Variants in LNPK observed in about 807,000 individuals in gnomAD.
LNPK encodes lunapark, ER junction formation factor.
In LNPK, 29 loss-of-function variants were observed where a neutral mutation model predicts 55.2. The observed-to-expected ratio is 0.53, with a 90% CI of 0.39 to 0.72. The LOEUF (loss-of-function observed/expected upper bound fraction) is 0.72, where lower values mean the gene tolerates loss of function less well. Ranked by LOEUF, LNPK falls within the 30% of genes least tolerant of loss-of-function variation. The pLI is 0.00. For synonymous variants in LNPK, 162 were observed against 168.2 expected (o/e 0.96, Z 0.29); for missense variants, 467 against 494.8 (o/e 0.94, Z 0.53).
At chr2:175,966,669 G>C (rs1239516155) in intron 6 of LNPK, among the ~76,000 whole-genome samples, 1 of 152,012 alleles carries the variant, frequency 6.6e-6, no homozygotes, top group Non-Finnish European at 1.5e-5. Flanking sequence ...TCATATAATA[G>C]CTTAATTAAC....
chr2:175,995,711 C>T, intron 1 of LNPK, 65 bp from the exon 2 acceptor site: 1 of 585,350 alleles, frequency 1.7e-6, no homozygotes, highest in East Asian at 3.3e-5. Flanking sequence ...ATAGATGTTG[C>T]AATACTGCCT....
intron 5 of LNPK, among the ~76,000 whole-genome samples, chr2:175,975,941 A>G (rs1225639162): frequency 6.6e-6 from 1 of 152,250 alleles, no homozygotes; most frequent in Non-Finnish European, 1.5e-5. Flanking sequence ...TTAATCCAGT[A>G]GATGGATGTT....
intron 6 of LNPK, among the ~76,000 whole-genome samples, chr2:175,966,387 A>C (rs1321631425): frequency 6.6e-6 from 1 of 152,190 alleles, no homozygotes; most frequent in African/African-American, 2.4e-5. Flanking sequence ...ATTTTAAATA[A>C]TGTAAATGTA....
chr2:175,977,630 C>T (rs1686969948), intron 5 of LNPK, among the ~76,000 whole-genome samples: 1 of 152,154 alleles, frequency 6.6e-6, no homozygotes, highest in Admixed American at 6.5e-5. Flanking sequence ...GAGCTGATTA[C>T]TGGCTTTGAC....
chr2:175,974,296 C>T (rs566062433), intron 5 of LNPK, among the ~76,000 whole-genome samples: 6 of 152,114 alleles, frequency 3.9e-5, no homozygotes, highest in East Asian at 1.9e-4. Flanking sequence ...TGGGTATGCA[C>T]GGGTAATAAA....
In LNPK at chr2:175,929,581, T is replaced by G; in HGVS notation, c.*386A>C. The G allele has an allele frequency of 1.0e-6, 1 of 999,272 alleles. No homozygotes were observed. Among genetic ancestry groups the G allele is most frequent in the Non-Finnish European group, 1.2e-6 (1 of 838,728 alleles). 61.9% of individuals were successfully genotyped at this position (999,272 alleles called of 1,614,324 possible). A position where few individuals can be genotyped will look rare whatever the true frequency, so the allele number is the denominator to read the frequency against. On this transcript the variant is annotated 3_prime_UTR_variant, in exon 13 of 13. Coordinates refer to ENST00000272748, the MANE Select transcript of LNPK (RefSeq NM_030650.3). ...AGTCAAAATCTTAACCAAGTTTCAT[T>G]CCTTAAAACAAACACAATTAGAGAA...
intron 4 of LNPK, among the ~76,000 whole-genome samples, chr2:175,984,267 C>T (rs2105696618): frequency 6.6e-6 from 1 of 152,110 alleles, no homozygotes; most frequent in South Asian, 2.1e-4. Flanking sequence ...AAACCTCCGC[C>T]TCCTGGGTTC....
intron 4 of LNPK, among the ~76,000 whole-genome samples, chr2:175,981,945 A>G (rs1397870634): frequency 6.6e-6 from 1 of 152,210 alleles, no homozygotes; most frequent in Non-Finnish European, 1.5e-5. Context: ...GGAATAGATA[A>G]TACACTTTTT....
At chr2:175,999,907 A>C (rs542426611) in intron 1 of LNPK, among the ~76,000 whole-genome samples, 1 of 152,038 alleles carries the variant, frequency 6.6e-6, no homozygotes, top group Non-Finnish European at 1.5e-5. Context: ...CTGGGATTAC[A>C]GGTGTATGCC....
chr2:175,969,206 A>C (rs1686532648), intron 6 of LNPK, among the ~76,000 whole-genome samples: 1 of 152,200 alleles, frequency 6.6e-6, no homozygotes, highest in Non-Finnish European at 1.5e-5. Context: ...CTTTAGTCAA[A>C]CTGCAAGAGA....
At chr2:175,970,370 CG>C (rs531208718) in intron 6 of LNPK, among the ~76,000 whole-genome samples, 247 of 152,154 alleles carry the variant, frequency 1.6e-3, no homozygotes, top group African/African-American at 5.6e-3. Flanking sequence ...CTCTTACAAC[CG>C]ATCTTCTTGA....
At chr2:175,989,911 C>T (rs759490893) in intron 4 of LNPK, among the ~76,000 whole-genome samples, 6 of 152,078 alleles carry the variant, frequency 3.9e-5, no homozygotes, top group Admixed American at 3.3e-4. Context: ...AATAGTTATA[C>T]AATATATGTT....
chr2:175,940,955 T>C (rs551183010), intron 9 of LNPK: 36 of 453,998 alleles, frequency 7.9e-5, no homozygotes, highest in Middle Eastern at 3.2e-4. Flanking sequence ...ATAGAAACCA[T>C]ACAAAATGAC....
intron 9 of LNPK, among the ~76,000 whole-genome samples, chr2:175,944,236 C>T (rs991670313): frequency 6.6e-6 from 1 of 151,912 alleles, no homozygotes; most frequent in South Asian, 2.1e-4. Context: ...AATCTATACA[C>T]CAAACACTAC....
At chr2:175,993,664 G>A (rs1356800284) in intron 2 of LNPK, among the ~76,000 whole-genome samples, 5 of 152,014 alleles carry the variant, frequency 3.3e-5, no homozygotes, top group Admixed American at 6.6e-5. Flanking sequence ...GTGGTGGCAT[G>A]CGCTTGCAAT....
chr2:175,934,000 T>C (rs1286709604), intron 12 of LNPK, among the ~76,000 whole-genome samples: 1 of 152,192 alleles, frequency 6.6e-6, no homozygotes, highest in Non-Finnish European at 1.5e-5. Context: ...AGTGCTGGGA[T>C]TACAGGCGTG....
chr2:175,996,773 T>G (rs1368431436), intron 1 of LNPK, among the ~76,000 whole-genome samples: 1 of 152,222 alleles, frequency 6.6e-6, no homozygotes, highest in Non-Finnish European at 1.5e-5. Context: ...ACCACTTCTT[T>G]CAGTTGCTTT....
intron 8 of LNPK, among the ~76,000 whole-genome samples, chr2:175,956,465 CA>C (rs1286446690): frequency 6.6e-6 from 1 of 152,046 alleles, no homozygotes; most frequent in Admixed American, 6.6e-5. Flanking sequence ...TTACCTCCTC[CA>C]ACTGCAAGAT....
At chr2:175,958,558 T>C (rs1023680064) in intron 8 of LNPK, among the ~76,000 whole-genome samples, 4 of 152,050 alleles carry the variant, frequency 2.6e-5, no homozygotes, top group African/African-American at 9.7e-5. Context: ...CAAAACCCCA[T>C]CTATAGGTCA....
Sources: allele counts gnomAD v4.1 joint callset (sites outside exome capture counted in the v4.1 genomes callset), GRCh38; gene constraint gnomAD v4.1.1; transcripts MANE v1.5; gene names NCBI Gene and HGNC (gene_info 2026-07-23, HGNC 2026-07-21).